The following LMLN variants were observed in gnomAD, a reference collection of about 807,000 sequenced individuals.
The protein encoded by LMLN is leishmanolysin-like peptidase.
A neutral mutation model predicts 92.3 loss-of-function variants in LMLN; 70 were observed. The ratio of observed to expected loss-of-function variants is 0.76; its 90% CI spans 0.63 to 0.92. The LOEUF (loss-of-function observed/expected upper bound fraction) is 0.92. LMLN is among the 40% of genes least tolerant of loss of function. The pLI, the probability that LMLN is intolerant of heterozygous loss-of-function variation, is 0.00. For missense variants in LMLN, 691 were observed against 814.6 expected (o/e 0.85, Z 1.85); for synonymous variants, 308 against 296.2 (o/e 1.04, Z -0.41).
intron 8 of LMLN, among the ~76,000 whole-genome samples, chr3:197,986,473 CCTT>C (rs1721709963): frequency 6.6e-6 from 1 of 151,920 alleles, no homozygotes; most frequent in Admixed American, 6.6e-5. Context: ...AAAAGAGAAG[CCTT>C]CCAGTAAAAA....
chr3:197,989,632 A>C (rs1179871777), intron 8 of LMLN, among the ~76,000 whole-genome samples: 1 of 152,218 alleles, frequency 6.6e-6, no homozygotes, highest in Non-Finnish European at 1.5e-5. Context: ...AGCTATGTGA[A>C]CTTGAACAAG....
At chr3:197,992,902 T>C (rs1265259945) in intron 9 of LMLN, among the ~76,000 whole-genome samples, 2 of 152,138 alleles carry the variant, frequency 1.3e-5, no homozygotes, top group Non-Finnish European at 2.9e-5. Context: ...ACTAACAAGC[T>C]GAATTCTATA....
At chr3:198,010,276 C>T (rs1722397665) in intron 11 of LMLN, among the ~76,000 whole-genome samples, 3 of 152,050 alleles carry the variant, frequency 2.0e-5, no homozygotes, top group African/African-American at 7.3e-5. Flanking sequence ...GACTCAGCCT[C>T]CCAAGTAGCT....
At chr3:198,000,186 C>T (rs1346773849) in intron 11 of LMLN, among the ~76,000 whole-genome samples, 4 of 152,154 alleles carry the variant, frequency 2.6e-5, no homozygotes, top group Admixed American at 6.5e-5. Context: ...GCCACCACGC[C>T]TGGCAGAAAT....
At chr3:197,968,028 A>G (rs1380038217) in intron 1 of LMLN, among the ~76,000 whole-genome samples, 2 of 152,180 alleles carry the variant, frequency 1.3e-5, no homozygotes, top group Non-Finnish European at 2.9e-5. Context: ...TTCAAGGTGC[A>G]CTGATTTCAT....
exon 15 of LMLN, chr3:198,035,880 A>G (rs946139814): frequency 1.9e-6 from 3 of 1,613,848 alleles, no homozygotes; most frequent in Non-Finnish European, 2.5e-6. Flanking sequence ...AAGATACTTC[A>G]TATTTGTGTA....
At chr3:198,028,600 C>A in intron 14 of LMLN, among the ~76,000 whole-genome samples, 1 of 152,222 alleles carries the variant, frequency 6.6e-6, no homozygotes, top group East Asian at 1.9e-4. Flanking sequence ...AAACTGAGAT[C>A]ATGGACCTTA....
Position 197,980,665 on chromosome 3 carries a change from C to T in LMLN, c.728+161C>T, listed in dbSNP as rs554656125. 2.9e-4 allele frequency: 171 copies of T among 590,182 alleles called. No individual in the cohort carries two copies. In the East Asian group the frequency reaches 4.3e-3, roughly 15 times the overall value. The allele number at this position is 590,182 out of a possible 1,614,324, so 36.6% of individuals were successfully genotyped here. A position where few individuals can be genotyped will look rare whatever the true frequency, so the allele number is the denominator to read the frequency against. ...TGGGTTTGGAGTGGGGTTAGGAGACCGTGATTAGACTGTTATTAATGTGAT... is the reference window on the plus strand; with the variant it reads ...TGGGTTTGGAGTGGGGTTAGGAGACTGTGATTAGACTGTTATTAATGTGAT... On this transcript the variant is annotated intron_variant, in intron 6 of 15. Coordinates refer to ENST00000330198, the Ensembl canonical transcript of LMLN.
chr3:197,973,411 T>G (rs1177992812), intron 1 of LMLN, among the ~76,000 whole-genome samples: 1 of 151,954 alleles, frequency 6.6e-6, no homozygotes, highest in Non-Finnish European at 1.5e-5. Context: ...CCGGCTAATT[T>G]TTTTGTATTT....
chr3:198,002,995 T>C lies in LMLN; in HGVS notation c.1232+3653T>C. On this transcript the variant is annotated intron_variant, in intron 11 of 15. Transcript: ENST00000330198. ...TGAAAGGACAGCAGTAAAAATTGCT[T>C]TGTTTGAATTATTCCACAGCTGGTA... The C allele has an allele frequency of 1.4e-6, 2 of 1,444,986 alleles. No homozygotes were observed. Among genetic ancestry groups the C allele is most frequent in the Non-Finnish European group, 1.9e-6 (2 of 1,055,438 alleles). 89.5% of individuals were successfully genotyped at this position (1,444,986 alleles called of 1,614,324 possible).
chr3:197,980,439 G>A, exon 6 of LMLN: 1 of 1,614,058 alleles, frequency 6.2e-7, no homozygotes, highest in Non-Finnish European at 8.5e-7. Flanking sequence ...TGGCCACCGA[G>A]AGATGCAGCC....
intron 5 of LMLN, among the ~76,000 whole-genome samples, chr3:197,976,997 A>G (rs77690363): frequency 4.3e-4 from 66 of 152,336 alleles, no homozygotes; most frequent in African/African-American, 1.6e-3. Context: ...AATATCTTTT[A>G]GCAAGGCATA....
intron 1 of LMLN, among the ~76,000 whole-genome samples, chr3:197,963,353 C>T (rs188970771): frequency 1.0e-3 from 156 of 151,978 alleles, no homozygotes; most frequent in African/African-American, 3.5e-3. Flanking sequence ...CCCAAGTATG[C>T]GCCACTACAC....
intron 11 of LMLN, among the ~76,000 whole-genome samples, chr3:198,002,448 T>A (rs1722200183): frequency 6.6e-6 from 1 of 152,206 alleles, no homozygotes; most frequent in Non-Finnish European, 1.5e-5. Flanking sequence ...TAAAAACTAA[T>A]GGACATAGGC....
intron 7 of LMLN, among the ~76,000 whole-genome samples, chr3:197,985,390 TACACACACAC>T (rs142039210): frequency 7.0e-5 from 10 of 142,480 alleles, no homozygotes; most frequent in Admixed American, 2.1e-4. Context: ...TTTCATAATG[TACACACACAC>T]ACACACACAC....
At chr3:197,996,906 G>A (rs994006965) in intron 10 of LMLN, among the ~76,000 whole-genome samples, 4 of 151,894 alleles carry the variant, frequency 2.6e-5, no homozygotes, top group South Asian at 2.1e-4. Flanking sequence ...CTCAGCCTCC[G>A]AAGTAGCTGG....
intron 5 of LMLN, among the ~76,000 whole-genome samples, chr3:197,979,182 T>C (rs1222481632): frequency 6.6e-6 from 1 of 152,220 alleles, no homozygotes; most frequent in African/African-American, 2.4e-5. Context: ...TATAAATGCA[T>C]GTGTTAGAGA....
intron 1 of LMLN, among the ~76,000 whole-genome samples, chr3:197,972,393 C>T (rs1275136405): frequency 6.6e-6 from 1 of 152,130 alleles, no homozygotes; most frequent in Non-Finnish European, 1.5e-5. Flanking sequence ...AATTGTTATA[C>T]TTTTAAGCTC....
intron 9 of LMLN, among the ~76,000 whole-genome samples, chr3:197,991,045 A>T (rs747382541): frequency 6.6e-6 from 1 of 152,148 alleles, no homozygotes; most frequent in Non-Finnish European, 1.5e-5. Flanking sequence ...ATCTGTATAC[A>T]CAAAGAAAGA....
Sources: allele counts gnomAD v4.1 joint callset (sites outside exome capture counted in the v4.1 genomes callset), GRCh38; gene constraint gnomAD v4.1.1; transcripts MANE v1.5; gene names NCBI Gene and HGNC (gene_info 2026-07-23, HGNC 2026-07-21).